The following TRAPPC9 variants were observed in gnomAD, a reference collection of about 807,000 sequenced individuals.
TRAPPC9 encodes IKK2 binding protein.
In TRAPPC9, 83 loss-of-function variants were observed where a neutral mutation model predicts 124.0. That is an observed-to-expected ratio of 0.67 (90% CI 0.56 to 0.80). The LOEUF is 0.80. Ranked by LOEUF, TRAPPC9 falls within the 30% of genes least tolerant of loss-of-function variation. TRAPPC9 has a pLI of 0.00. For synonymous variants in TRAPPC9, 638 were observed against 617.5 expected, an observed-to-expected ratio of 1.03 and a Z score of -0.49; for missense variants, 1,302 against 1,508.3, an observed-to-expected ratio of 0.86 and a Z score of 2.27.
chr8:139,831,872 C>T (rs1187507515), intron 21 of TRAPPC9, among the ~76,000 whole-genome samples: 2 of 152,246 alleles, frequency 1.3e-5, no homozygotes, highest in African/African-American at 2.4e-5. Flanking sequence ...CCTCTGCCTC[C>T]GTGCTCTTTC....
intron 19 of TRAPPC9, among the ~76,000 whole-genome samples, chr8:139,920,689 C>T (rs1021800905): frequency 2.0e-5 from 3 of 152,246 alleles, no homozygotes; most frequent in African/African-American, 4.8e-5. Flanking sequence ...CCTTGCTTTT[C>T]CAAAGCGTCA....
At chr8:140,308,750 A>T (rs1563934164) in intron 10 of TRAPPC9, among the ~76,000 whole-genome samples, 1 of 152,012 alleles carries the variant, frequency 6.6e-6, no homozygotes, top group African/African-American at 2.4e-5. Context: ...TCGTGGTGCC[A>T]TGCGCCTGTA....
At chr8:139,910,396 A>C in intron 19 of TRAPPC9, 96 bp from the exon 20 acceptor site, 1 of 1,194,868 alleles carries the variant, frequency 8.4e-7, no homozygotes, top group Non-Finnish European at 1.2e-6. Context: ...AGACACTATA[A>C]TGAATCATTA....
intron 21 of TRAPPC9, among the ~76,000 whole-genome samples, chr8:139,837,266 G>A (rs1014738109): frequency 1.3e-5 from 2 of 152,128 alleles, no homozygotes; most frequent in African/African-American, 4.8e-5. Context: ...GCTTCACTCT[G>A]TGACACCCTG....
intron 17 of TRAPPC9, among the ~76,000 whole-genome samples, chr8:140,172,626 C>CGCA (rs964943747): frequency 3.4e-4 from 51 of 152,082 alleles, no homozygotes; most frequent in African/African-American, 1.0e-3. Flanking sequence ...GAGCTACGAT[C>CGCA]GCAGCAGCAG....
rs1825540135 is a variant in TRAPPC9 at position 139,825,215 on chromosome 8, G to C, written c.3055+60664C>G. 6.6e-6 allele frequency among the ~76,000 whole-genome samples: 1 copy of C among 152,202 alleles called. No individual in the cohort carries two copies. Among genetic ancestry groups the C allele is most frequent in the African/African-American group, 2.4e-5 (1 of 41,454 alleles). ...CAAGGCAGAGCTAGAGCCCAACAGGGCAGCCCACGCAGGGTGGGCAGAGAA... is the reference window on the plus strand; with the variant it reads ...CAAGGCAGAGCTAGAGCCCAACAGGCCAGCCCACGCAGGGTGGGCAGAGAA... On this transcript the variant is annotated intron_variant, in intron 21 of 22. Coordinates refer to ENST00000438773, the MANE Select transcript of TRAPPC9 (RefSeq NM_001160372.4). The surrounding 1 kb of genome is among the most constrained non-coding windows in gnomAD (Gnocchi z 4.6).
At chr8:139,967,566 C>T (rs1173673184) in intron 19 of TRAPPC9, among the ~76,000 whole-genome samples, 1 of 152,194 alleles carries the variant, frequency 6.6e-6, no homozygotes, top group African/African-American at 2.4e-5. Flanking sequence ...TAAACAATGA[C>T]ACTAGGCATA....
intron 17 of TRAPPC9, among the ~76,000 whole-genome samples, chr8:140,090,373 C>T (rs992121798): frequency 1.3e-5 from 2 of 152,154 alleles, no homozygotes; most frequent in African/African-American, 2.4e-5. Context: ...CTGCTCAGAC[C>T]GAGGGCTGAG....
At chr8:140,408,456 G>A (rs1290186362) in intron 5 of TRAPPC9, among the ~76,000 whole-genome samples, 1 of 152,086 alleles carries the variant, frequency 6.6e-6, no homozygotes, top group African/African-American at 2.4e-5. Flanking sequence ...AAAAAAGAAG[G>A]AAGACAGCAG....
At chr8:140,344,818 G>A (rs891493860) in intron 9 of TRAPPC9, among the ~76,000 whole-genome samples, 3 of 152,176 alleles carry the variant, frequency 2.0e-5, no homozygotes, top group South Asian at 2.1e-4. Flanking sequence ...AAAATAACCC[G>A]GCTTTCCCTC....
chr8:139,734,953 A>G (rs1014916864), intron 21 of TRAPPC9, among the ~76,000 whole-genome samples: 1 of 152,168 alleles, frequency 6.6e-6, no homozygotes, highest in African/African-American at 2.4e-5. Flanking sequence ...TGCATCCTAC[A>G]CTTCTGGATG....
At chr8:140,317,891 G>A (rs1310957376) in intron 9 of TRAPPC9, among the ~76,000 whole-genome samples, 1 of 152,050 alleles carries the variant, frequency 6.6e-6, no homozygotes, top group Admixed American at 6.5e-5. Context: ...GTGGGGAAAG[G>A]CATTATGATC....
intron 19 of TRAPPC9, among the ~76,000 whole-genome samples, chr8:139,930,031 T>A (rs932966818): frequency 6.6e-6 from 1 of 152,202 alleles, no homozygotes; most frequent in African/African-American, 2.4e-5. Flanking sequence ...CTGCCGATTC[T>A]CTACACTTCT....
intron 17 of TRAPPC9, among the ~76,000 whole-genome samples, chr8:140,149,455 AC>A (rs2061508933): frequency 5.3e-5 from 8 of 152,178 alleles, no homozygotes; most frequent in African/African-American, 1.4e-4. Flanking sequence ...CCCTGTCTCT[AC>A]TAAAAATACA....
rs1334569256 is a variant in TRAPPC9 at position 139,773,113 on chromosome 8, G to A, written c.3056-40911C>T. Among the ~76,000 whole-genome samples, 7 of 152,344 alleles carry A rather than the reference G, an allele frequency of 4.6e-5. No individual in the cohort carries two copies. The East Asian group carries it at 7.7e-4, about 17-fold the overall frequency. On this transcript the variant is annotated intron_variant, in intron 21 of 22. Coordinates refer to ENST00000438773, the MANE Select transcript of TRAPPC9 (RefSeq NM_001160372.4). Reference sequence around the variant, plus strand: ...GCTGTGGGTCCCGTGGCAGGACCACGCCTCTGAAGGAGCACTGGCTGCCTC... The same window carrying A: ...GCTGTGGGTCCCGTGGCAGGACCACACCTCTGAAGGAGCACTGGCTGCCTC...
intron 19 of TRAPPC9, among the ~76,000 whole-genome samples, chr8:139,949,162 C>A (rs1193561862): frequency 6.6e-6 from 1 of 151,828 alleles, no homozygotes; most frequent in Admixed American, 6.6e-5. Context: ...ACCAAAGACA[C>A]AAATAATAAT....
chr8:140,087,949 T>C lies in TRAPPC9; in HGVS notation c.2557-63870A>G, dbSNP rs990111993. Among the ~76,000 whole-genome samples, 1 of 152,054 alleles carries C rather than the reference T, an allele frequency of 6.6e-6. No homozygotes were observed. The highest frequency in any genetic ancestry group is 2.1e-4 in the South Asian group (1 of 4,816). Reference sequence around the variant, plus strand: ...CCACGTGGTACCATCTCTGGGCCTCTGCACCAGCTGTGATTTCTGCTTGGA... The same window carrying C: ...CCACGTGGTACCATCTCTGGGCCTCCGCACCAGCTGTGATTTCTGCTTGGA... On this transcript the variant is annotated intron_variant, in intron 17 of 22. Transcript: ENST00000438773. This position sits in a 1 kb window ranked among gnomAD's most constrained non-coding sequence, Gnocchi z 4.6.
At chr8:139,965,816 A>G (rs756362943) in intron 19 of TRAPPC9, among the ~76,000 whole-genome samples, 17 of 60,664 alleles carry the variant, frequency 2.8e-4, no homozygotes, top group Non-Finnish European at 8.5e-4. Context: ...TGAATGTGGA[A>G]CAGGTTCACT....
chr8:140,407,622 AAC>A (rs1215936395), intron 5 of TRAPPC9, among the ~76,000 whole-genome samples: 3 of 152,056 alleles, frequency 2.0e-5, no homozygotes, highest in Non-Finnish European at 4.4e-5. Flanking sequence ...TTTTCTTTGA[AAC>A]AGAGTCTCTC....
Sources: gnomAD v4.1 joint callset for allele counts (sites outside exome capture counted in the v4.1 genomes callset) on GRCh38, gnomAD v4.1.1 for gene constraint, Gnocchi (gnomAD v3.1) non-coding constraint, MANE v1.5 for transcripts, NCBI Gene and HGNC (gene_info 2026-07-23, HGNC 2026-07-21) for gene names.